TFCP2L1: variants seen among roughly 807,000 people sequenced by gnomAD.
TFCP2L1 encodes transcription factor CP2-like protein 1.
A neutral mutation model predicts 72.2 loss-of-function variants in TFCP2L1; 12 were observed. The ratio of observed to expected loss-of-function variants is 0.17; its 90% confidence interval spans 0.11 to 0.27. The LOEUF is 0.27. TFCP2L1 is among the 10% of genes least tolerant of loss of function. TFCP2L1 has a pLI of 1.00. For synonymous variants in TFCP2L1, 260 were observed against 251.0 expected, an observed-to-expected ratio of 1.04 and a Z score of -0.34; for missense variants, 488 against 624.6, an observed-to-expected ratio of 0.78 and a Z score of 2.33.
chr2:121,244,446 C>G (rs1187443506), intron 6 of TFCP2L1, among the ~76,000 whole-genome samples: 1 of 152,180 alleles, frequency 6.6e-6, no homozygotes, highest in Non-Finnish European at 1.5e-5. Flanking sequence ...GAAGGACACA[C>G]CTCAGGCATT....
At chr2:121,277,347 A>T (rs2104764081) in intron 2 of TFCP2L1, among the ~76,000 whole-genome samples, 1 of 152,318 alleles carries the variant, frequency 6.6e-6, no homozygotes, top group South Asian at 2.1e-4. Context: ...AAAAGAAAAG[A>T]AATGTTAGTT....
At chr2:121,260,216 G>A (rs761040544) in intron 2 of TFCP2L1, among the ~76,000 whole-genome samples, 10 of 152,130 alleles carry the variant, frequency 6.6e-5, no homozygotes, top group Admixed American at 1.3e-4. Context: ...CAAGTTAATG[G>A]CAAAGACTAA....
At chr2:121,255,059 A>C (rs1686687722) in intron 2 of TFCP2L1, among the ~76,000 whole-genome samples, 2 of 152,236 alleles carry the variant, frequency 1.3e-5, no homozygotes, top group African/African-American at 4.8e-5. Context: ...CATAAGTGGC[A>C]GAGCCCATGG....
intron 2 of TFCP2L1, among the ~76,000 whole-genome samples, chr2:121,253,773 C>T (rs1195391863): frequency 1.3e-5 from 2 of 152,188 alleles, no homozygotes; most frequent in South Asian, 2.1e-4. Flanking sequence ...CCAGGGATCA[C>T]GGCTGCAGGA....
At chr2:121,235,978 C>T (rs962503531) in intron 10 of TFCP2L1, among the ~76,000 whole-genome samples, 2 of 152,154 alleles carry the variant, frequency 1.3e-5, no homozygotes, top group African/African-American at 4.8e-5. Context: ...ACACGTTTTG[C>T]ATGTTCTCTG....
At chr2:121,284,047 C>T (rs1687317354) in intron 1 of TFCP2L1, among the ~76,000 whole-genome samples, 1 of 152,200 alleles carries the variant, frequency 6.6e-6, no homozygotes, top group African/African-American at 2.4e-5. Context: ...GGACAAATAC[C>T]TACCAGCAGC....
At chr2:121,248,642 A>T (rs1686539483) in intron 4 of TFCP2L1, among the ~76,000 whole-genome samples, 1 of 152,224 alleles carries the variant, frequency 6.6e-6, no homozygotes, top group East Asian at 1.9e-4. Flanking sequence ...CTGAGGCCCC[A>T]GAATTCCATT....
At chr2:121,256,760 G>C (rs2104720995) in intron 2 of TFCP2L1, among the ~76,000 whole-genome samples, 1 of 151,648 alleles carries the variant, frequency 6.6e-6, no homozygotes, top group Non-Finnish European at 1.5e-5. Flanking sequence ...GGGGCGACAA[G>C]AGCGAAACTC....
intron 13 of TFCP2L1, among the ~76,000 whole-genome samples, chr2:121,228,708 A>G (rs1048221138): frequency 4.7e-5 from 7 of 150,052 alleles, no homozygotes; most frequent in Admixed American, 2.0e-4. Context: ...CGAGGCTGCA[A>G]TAAGTCTAGC....
intron 2 of TFCP2L1, among the ~76,000 whole-genome samples, chr2:121,269,879 AGCCTGG>A (rs1294524464): frequency 6.8e-6 from 1 of 146,626 alleles, no homozygotes; most frequent in African/African-American, 2.6e-5. Flanking sequence ...ACTGCACACC[AGCCTGG>A]GTGACAGAGC....
intron 10 of TFCP2L1, among the ~76,000 whole-genome samples, chr2:121,236,113 T>C (rs1478680996): frequency 6.6e-6 from 1 of 152,192 alleles, no homozygotes; most frequent in Non-Finnish European, 1.5e-5. Context: ...TTATTACCTA[T>C]CATTGTGTGA....
intron 12 of TFCP2L1, 30 bp from the exon 13 acceptor site, chr2:121,231,998 C>T: frequency 6.5e-7 from 1 of 1,549,570 alleles, no homozygotes. Context: ...GTGCTGCTTT[C>T]CAAGTGGCCA....
intron 2 of TFCP2L1, among the ~76,000 whole-genome samples, chr2:121,271,834 G>A (rs1200358061): frequency 6.6e-6 from 1 of 152,188 alleles, no homozygotes; most frequent in Non-Finnish European, 1.5e-5. Flanking sequence ...AGGGAAGACA[G>A]GACTTTCCCC....
chr2:121,250,656 G>C (rs894543805), intron 2 of TFCP2L1, among the ~76,000 whole-genome samples: 10 of 149,696 alleles, frequency 6.7e-5, no homozygotes, highest in Admixed American at 2.7e-4. Context: ...GCCCAGGCTG[G>C]AGTGCAGTGG....
At chr2:121,234,374 G>A (rs1047904182) in intron 11 of TFCP2L1, 180 bp from the exon 12 acceptor site, 66 of 597,918 alleles carry the variant, frequency 1.1e-4, no homozygotes, top group Non-Finnish European at 2.1e-5. Flanking sequence ...GCCTGCCAAG[G>A]GGCACTCTGC....
intron 6 of TFCP2L1, 96 bp downstream of exon 6, chr2:121,246,722 G>A: frequency 1.3e-6 from 2 of 1,504,014 alleles, no homozygotes; most frequent in South Asian, 1.2e-5. Context: ...GTTCCTCGCT[G>A]GGCCTGTAAG....
At chr2:121,260,728 G>C (rs1414091802) in intron 2 of TFCP2L1, among the ~76,000 whole-genome samples, 1 of 152,200 alleles carries the variant, frequency 6.6e-6, no homozygotes, top group Non-Finnish European at 1.5e-5. Context: ...CCCTCTCCCA[G>C]TGGGCCTCCC....
chr2:121,240,241 T>C (rs1292421855), intron 7 of TFCP2L1: 7 of 985,100 alleles, frequency 7.1e-6, no homozygotes, highest in Non-Finnish European at 8.4e-6. Flanking sequence ...TCCACAAACA[T>C]GAAAGATGTG....
At chr2:121,283,644 C>A (rs544214138) in intron 1 of TFCP2L1, among the ~76,000 whole-genome samples, 1 of 152,322 alleles carries the variant, frequency 6.6e-6, no homozygotes, top group South Asian at 2.1e-4. Flanking sequence ...TGTTCCCTAA[C>A]GGGGTGAGGA....
Sources: allele counts gnomAD v4.1 joint callset (sites outside exome capture counted in the v4.1 genomes callset), GRCh38; gene constraint gnomAD v4.1.1; transcripts MANE v1.5; gene names NCBI Gene and HGNC (gene_info 2026-07-23, HGNC 2026-07-21).